The following PICALM variants were observed in gnomAD, a reference collection of about 807,000 sequenced individuals.
PICALM encodes phosphatidylinositol binding clathrin assembly protein.
In PICALM, 40 loss-of-function variants were observed where a neutral mutation model predicts 80.5. The observed-to-expected ratio is 0.50, with a 90% confidence interval of 0.39 to 0.65. The LOEUF (loss-of-function observed/expected upper bound fraction) is 0.65. Ranked by LOEUF, PICALM falls within the 30% of genes least tolerant of loss-of-function variation. The pLI, the probability that PICALM is intolerant of heterozygous loss-of-function variation, is 0.00. For missense variants in PICALM, 676 were observed against 778.9 expected, an observed-to-expected ratio of 0.87 and a Z score of 1.57; for synonymous variants, 288 against 260.3, an observed-to-expected ratio of 1.11 and a Z score of -1.02.
chr11:85,983,685 A>G (rs1245700512), intron 14 of PICALM, among the ~76,000 whole-genome samples, 181 bp downstream of exon 14: 2 of 152,178 alleles, frequency 1.3e-5, no homozygotes, highest in African/African-American at 4.8e-5. Flanking sequence ...ATTGGCACCA[A>G]TAAAAGAATA....
At chr11:85,978,361 A>G in intron 17 of PICALM, 1 of 248,216 alleles carries the variant, frequency 4.0e-6, no homozygotes. Flanking sequence ...CAATTCTATC[A>G]ACAGTGTCAA....
intron 1 of PICALM, among the ~76,000 whole-genome samples, chr11:86,045,519 CAAAAAAAAAAAAAAA>C (rs71040207): frequency 4.2e-5 from 2 of 47,770 alleles, no homozygotes; most frequent in South Asian, 2.6e-3. Flanking sequence ...TCTTGAAATT[CAAAAAAAAAAAAAAA>C]AAAAAAAAAA....
chr11:86,041,154 ATGACTTCT>A (rs1326820759), intron 1 of PICALM, among the ~76,000 whole-genome samples: 1 of 152,226 alleles, frequency 6.6e-6, no homozygotes, highest in Non-Finnish European at 1.5e-5. Flanking sequence ...AAGGCAGTCC[ATGACTTCT>A]TCATCCTCAA....
At chr11:86,016,845 C>A (rs866950345) in intron 4 of PICALM, among the ~76,000 whole-genome samples, 12 of 152,270 alleles carry the variant, frequency 7.9e-5, no homozygotes, top group Middle Eastern at 3.4e-3. Context: ...TCTTAACTCC[C>A]AAAATATTTC....
intron 7 of PICALM, among the ~76,000 whole-genome samples, chr11:86,008,227 T>C (rs2095318407): frequency 6.6e-6 from 1 of 152,172 alleles, no homozygotes; most frequent in African/African-American, 2.4e-5. Flanking sequence ...GCACCCCAAT[T>C]AGAAAACTAT....
intron 9 of PICALM, 116 bp downstream of exon 9, chr11:86,003,250 T>A (rs905646809): frequency 1.8e-6 from 1 of 565,346 alleles, no homozygotes; most frequent in Non-Finnish European, 3.2e-6. Context: ...TTAAATCCAT[T>A]TTATAGAAAA....
At chr11:86,035,187 A>T (rs1375578673) in intron 1 of PICALM, among the ~76,000 whole-genome samples, 2 of 152,126 alleles carry the variant, frequency 1.3e-5, no homozygotes, top group Non-Finnish European at 2.9e-5. Flanking sequence ...TGGTTTCATT[A>T]ATCTTACAGT....
chr11:86,050,917 G>A (rs2096175989), intron 1 of PICALM, among the ~76,000 whole-genome samples: 4 of 152,012 alleles, frequency 2.6e-5, no homozygotes, highest in African/African-American at 9.7e-5. Flanking sequence ...CAAACTACTG[G>A]CCTCAAGAAA....
At chr11:86,022,766 G>A (rs1055469662) in intron 3 of PICALM, among the ~76,000 whole-genome samples, 9 of 137,572 alleles carry the variant, frequency 6.5e-5, no homozygotes, top group African/African-American at 2.0e-4. Context: ...TCAGGAATTA[G>A]AAAAACGTTC....
intron 19 of PICALM, chr11:85,960,542 A>AGAGGAAGAGGAGGAG (rs2093655052): frequency 2.6e-6 from 1 of 378,638 alleles, no homozygotes; most frequent in East Asian, 7.4e-5. Context: ...CCTAAAGAAT[A>AGAGGAAGAGGAGGAG]GAGGAAGAGG....
At chr11:86,040,838 T>C (rs1165216730) in intron 1 of PICALM, among the ~76,000 whole-genome samples, 1 of 152,138 alleles carries the variant, frequency 6.6e-6, no homozygotes, top group Non-Finnish European at 1.5e-5. Flanking sequence ...AAACAATGGA[T>C]TCACCTAAGT....
intron 17 of PICALM, among the ~76,000 whole-genome samples, chr11:85,979,753 C>T (rs977598537): frequency 2.6e-5 from 4 of 152,160 alleles, no homozygotes; most frequent in African/African-American, 7.2e-5. Context: ...TAAGGACAAC[C>T]GCAGCCTCTA....
intron 7 of PICALM, among the ~76,000 whole-genome samples, chr11:86,009,372 G>C (rs576772723): frequency 1.1e-4 from 16 of 144,372 alleles, no homozygotes; most frequent in African/African-American, 4.1e-4. Flanking sequence ...GTTAACAGCA[G>C]ATCTGGAGTA....
chr11:85,985,176 C>T (rs2094540610), intron 13 of PICALM, among the ~76,000 whole-genome samples: 1 of 152,118 alleles, frequency 6.6e-6, no homozygotes, highest in Non-Finnish European at 1.5e-5. Flanking sequence ...CAGAATCTCA[C>T]TTTGAATTCT....
chr11:86,030,225 C>T (rs1241111343), intron 2 of PICALM, among the ~76,000 whole-genome samples: 2 of 152,086 alleles, frequency 1.3e-5, no homozygotes, highest in African/African-American at 4.8e-5. Flanking sequence ...TACTTTTGGA[C>T]AAGAACTAGA....
intron 19 of PICALM, among the ~76,000 whole-genome samples, chr11:85,965,815 G>GTTTTT (rs914561533): frequency 6.5e-5 from 7 of 108,154 alleles, no homozygotes; most frequent in African/African-American, 1.4e-4. Flanking sequence ...TTGTTTTTTT[G>GTTTTT]TTTTTTTTTT....
chr11:86,018,646 T>C (rs149350999), intron 4 of PICALM, among the ~76,000 whole-genome samples: 11 of 152,270 alleles, frequency 7.2e-5, no homozygotes, highest in African/African-American at 2.4e-4. Flanking sequence ...CTCAGCACTT[T>C]GGGAGGCCGA....
At chr11:85,971,962 T>C (rs2094127116) in intron 19 of PICALM, among the ~76,000 whole-genome samples, 1 of 152,044 alleles carries the variant, frequency 6.6e-6, no homozygotes, top group Non-Finnish European at 1.5e-5. Context: ...TTTGTATTTT[T>C]AGTAGAGACA....
At chr11:86,033,959 C>T (rs1376828406) in intron 1 of PICALM, among the ~76,000 whole-genome samples, 1 of 152,120 alleles carries the variant, frequency 6.6e-6, no homozygotes, top group African/African-American at 2.4e-5. Flanking sequence ...AAGCCGAGCC[C>T]AATACATGTG....
Sources: allele counts gnomAD v4.1 joint callset (sites outside exome capture counted in the v4.1 genomes callset), GRCh38; gene constraint gnomAD v4.1.1; transcripts MANE v1.5; gene names NCBI Gene and HGNC (gene_info 2026-07-23, HGNC 2026-07-21).